MFGE8: variants seen among roughly 807,000 people sequenced by gnomAD.
MFGE8 encodes the protein lactadherin.
MFGE8 carries 34 observed loss-of-function variants against 42.6 expected under a neutral mutation model. The observed-to-expected ratio is 0.80, with a 90% CI of 0.61 to 1.06. The LOEUF (loss-of-function observed/expected upper bound fraction) is 1.06. Ranked by LOEUF, MFGE8 falls within the 50% of genes least tolerant of loss-of-function variation. The pLI, the probability that MFGE8 is intolerant of heterozygous loss-of-function variation, is 0.00. For missense variants in MFGE8, 510 were observed against 516.9 expected (o/e 0.99, Z 0.13); for synonymous variants, 230 against 214.8 (o/e 1.07, Z -0.62).
At chr15:88,901,758 T>A in intron 5 of MFGE8, 23 bp from the exon 6 acceptor site, 1 of 1,613,402 alleles carries the variant, frequency 6.2e-7, no homozygotes. Context: ...TGGGCTGTCA[T>A]CTGGATCTGG....
intron 1 of MFGE8, chr15:88,912,941 C>A: frequency 1.0e-6 from 1 of 985,404 alleles, no homozygotes. Flanking sequence ...TCATTTTTCA[C>A]CAGGGAAAAG....
At chr15:88,909,032 G>A (rs777312406) in intron 2 of MFGE8, among the ~76,000 whole-genome samples, 106 of 152,222 alleles carry the variant, frequency 7.0e-4, no homozygotes, top group East Asian at 2.1e-3. Context: ...AGGACCCCCC[G>A]CTCCACCCAT....
rs982208958 is a variant in MFGE8 at position 88,898,997 on chromosome 15, C to G, written c.*398G>C. On this transcript the variant is annotated 3_prime_UTR_variant, in exon 8 of 8. Coordinates refer to ENST00000268150, the MANE Select transcript of MFGE8 (RefSeq NM_005928.4). ...TTATCTCCAGCCTGGCGCTTCCGGG[C>G]CTTTCTTGAGGCCACCATGGGAATG... 3.5e-6 allele frequency: 1 copy of G among 288,976 alleles called. No individual in the cohort carries two copies. Among genetic ancestry groups the G allele is most frequent in the Non-Finnish European group, 6.8e-6 (1 of 148,118 alleles). 17.9% of individuals were successfully genotyped at this position (288,976 alleles called of 1,614,324 possible).
intron 3 of MFGE8, 67 bp downstream of exon 3, chr15:88,907,128 C>A: frequency 1.3e-6 from 2 of 1,551,796 alleles, no homozygotes; most frequent in Non-Finnish European, 1.7e-6. Context: ...GGGGTAACCC[C>A]CAAATGCAGA....
rs540402725 is a variant in MFGE8 at position 88,901,165 on chromosome 15, A to T, written c.870+386T>A. On this transcript the variant is annotated intron_variant, in intron 6 of 7. Transcript: ENST00000268150. ...CACACACATTCTCACACACACATTC[A>T]CACACATTCTCACACATTCACACAC... Among the ~76,000 whole-genome samples the T allele has an allele frequency of 3.5e-4, 45 of 128,004 alleles. 5 individuals are homozygous for T. Among genetic ancestry groups the T allele is most frequent in the African/African-American group, 1.1e-3 (39 of 34,960 alleles). The allele number at this position is 128,004 out of a possible 152,430, so 84.0% of individuals were successfully genotyped here. A position where few individuals can be genotyped will look rare whatever the true frequency, so the allele number is the denominator to read the frequency against.
chr15:88,901,467 C>T, intron 6 of MFGE8, 84 bp downstream of exon 6: 3 of 1,392,934 alleles, frequency 2.2e-6, no homozygotes, highest in East Asian at 2.3e-5. Flanking sequence ...GAAGAGAAGC[C>T]TGGGCTGGAG....
rs1021569215 is a variant in MFGE8, at chr15:88,901,628, A to T, written c.793T>A (p.Ser265Thr). The T allele has an allele frequency of 1.5e-5, 24 of 1,613,202 alleles. No homozygotes were observed. Among genetic ancestry groups the T allele is most frequent in the Non-Finnish European group, 1.9e-5 (23 of 1,179,742 alleles). Residue 265 changes from serine (S) to threonine (T), a missense_variant, in exon 6 of 8, where the codon TCC becomes ACC. Ser to Thr is a moderately conservative substitution (Grantham distance 58). Transcript: ENST00000268150. ...WGLHLFSWNP[S>T]YARLDKQGNF... is the part of the protein sequence containing the mutation. ...CCCTGCTTGTCCAGCCGTGCATAGG[A>T]GGGGTTCCAGCTGAAGAGATGCAAG...
chr15:88,907,701 T>A (rs1357335445), intron 2 of MFGE8, among the ~76,000 whole-genome samples: 1 of 97,068 alleles, frequency 1.0e-5, no homozygotes, highest in Admixed American at 1.1e-4. Context: ...TCATGGAAAG[T>A]AGAGTCCCCC....
Position 88,902,191 on chromosome 15 carries a change from C to T in MFGE8, c.686-456G>A, listed in dbSNP as rs138040801. ...GCACAGTCACTATCTACTTTAATAA[C>T]AACCACATTGTTTATTCAGTGCTTA... On this transcript the variant is annotated intron_variant, in intron 5 of 7. Transcript: ENST00000268150. This position sits in a 1 kb window ranked among gnomAD's most constrained non-coding sequence, Gnocchi z 4.3. 1.7e-4 allele frequency: 32 copies of T among 187,838 alleles called. No homozygotes were observed. The East Asian group carries it at 4.1e-3, about 24-fold the overall frequency. 11.6% of individuals were successfully genotyped at this position (187,838 alleles called of 1,614,324 possible). A position where few individuals can be genotyped will look rare whatever the true frequency, so the allele number is the denominator to read the frequency against.
chr15:88,906,152 G>T lies in MFGE8; in HGVS notation c.541-251C>A. The stretch of plus-strand genomic sequence containing the variant: ...GGCATAAACCCCTATAGCTGACACA[G>T]GGCCACCTGTAACCTACAGGGTACC... On this transcript the variant is annotated intron_variant, in intron 4 of 7. Transcript: ENST00000268150. The surrounding 1 kb of genome is among the most constrained non-coding windows in gnomAD (Gnocchi z 4.2). 1.8e-6 allele frequency: 1 copy of T among 567,498 alleles called. No homozygotes were observed. The highest frequency in any genetic ancestry group is 2.0e-5 in the South Asian group (1 of 49,902). 35.2% of individuals were successfully genotyped at this position (567,498 alleles called of 1,614,324 possible). A position where few individuals can be genotyped will look rare whatever the true frequency, so the allele number is the denominator to read the frequency against.
intron 1 of MFGE8, chr15:88,912,134 G>A: frequency 7.8e-7 from 1 of 1,289,830 alleles, no homozygotes; most frequent in Non-Finnish European, 1.0e-6. Context: ...CTGTGTGTAA[G>A]ATAGGTATGG....
At position 88,899,420 on chromosome 15, in the gene MFGE8, A is replaced by T. The variant is rs1224147150; in HGVS notation, c.1139T>A (p.Leu380Gln). ...LPVAWHNRIA[L>Q]RLELLGC The stretch of plus-strand genomic sequence containing the variant: ...CTAACAGCCCAGCAGCTCCAGGCGC[A>T]GGGCGATGCGGTTGTGCCAGGCTAC... The change falls in exon 8 of 8, where the codon CTG (leucine) becomes CAG (glutamine). Residue 380 changes from leucine (L) to glutamine (Q), a missense_variant. Transcript: ENST00000268150. The surrounding 1 kb of genome is among the most constrained non-coding windows in gnomAD (Gnocchi z 6.8). The T allele has an allele frequency of 6.2e-7, 1 of 1,614,084 alleles. No homozygotes were observed. The highest frequency in any genetic ancestry group is 1.3e-5 in the African/African-American group (1 of 74,954).
rs1180952711 is a variant in MFGE8, at chr15:88,899,090, G to T, written c.*305C>A. 6 of 474,398 alleles carry T rather than the reference G, an allele frequency of 1.3e-5. No homozygotes were observed. The highest frequency in any genetic ancestry group is 2.0e-5 in the African/African-American group (1 of 51,026). 29.4% of individuals were successfully genotyped at this position (474,398 alleles called of 1,614,324 possible). A position where few individuals can be genotyped will look rare whatever the true frequency, so the allele number is the denominator to read the frequency against. On this transcript the variant is annotated 3_prime_UTR_variant, in exon 8 of 8. Coordinates refer to ENST00000268150, the MANE Select transcript of MFGE8 (RefSeq NM_005928.4). The surrounding 1 kb of genome is among the most constrained non-coding windows in gnomAD (Gnocchi z 6.8). ...CCTGGGATCGGCGGTCCGGACAGGG[G>T]CAGGGAAACCACACGCCCTACTTTG...
intron 1 of MFGE8, 126 bp from the exon 2 acceptor site, chr15:88,910,049 C>T: frequency 8.3e-7 from 1 of 1,210,028 alleles, no homozygotes; most frequent in Non-Finnish European, 1.2e-6. Context: ...CTCTTCCTCT[C>T]CCTCTTCCCC....
chr15:88,912,667 G>T, intron 1 of MFGE8: 1 of 985,344 alleles, frequency 1.0e-6, no homozygotes, highest in Non-Finnish European at 1.2e-6. Context: ...TCAGCAGGCA[G>T]CCCTCTTCCA....
chr15:88,900,696 G>T, intron 6 of MFGE8: 1 of 985,264 alleles, frequency 1.0e-6, no homozygotes, highest in Non-Finnish European at 1.2e-6. Flanking sequence ...TCATCGTCCT[G>T]CCAGCTCTCG....
chr15:88,910,039 C>G, intron 1 of MFGE8, 116 bp from the exon 2 acceptor site: 1 of 1,313,956 alleles, frequency 7.6e-7, no homozygotes, highest in Non-Finnish European at 1.1e-6. Flanking sequence ...CGCCCATTAT[C>G]TCTTCCTCTC....
intron 5 of MFGE8, chr15:88,904,890 C>T (rs1370439552): frequency 6.5e-6 from 1 of 153,410 alleles, no homozygotes; most frequent in Admixed American, 6.5e-5. Flanking sequence ...CACTCTGCAG[C>T]TCTGCTTAGC....
rs776327845 is a variant in MFGE8, at chr15:88,901,674, G to T, written c.747C>A (p.Ser249=). 6.2e-6 allele frequency: 10 copies of T among 1,613,934 alleles called. No homozygotes were observed. In the Admixed American group the frequency reaches 1.7e-4, roughly 27 times the overall value. ...GCAAGCCCCAGGTCTTGTAGCTGCTGGAGGCCGTGATCTGCTTGTCAGGGA... is the reference window on the plus strand; with the variant it reads ...GCAAGCCCCAGGTCTTGTAGCTGCTTGAGGCCGTGATCTGCTTGTCAGGGA... The part of the protein sequence containing the change: ...NSIPDKQITA[S]SSYKTWGLHL... The change falls in exon 6 of 8, where the codon TCC becomes TCA. Residue 249 remains serine, a synonymous_variant. Coordinates refer to ENST00000268150, the MANE Select transcript of MFGE8 (RefSeq NM_005928.4).
Sources: gnomAD v4.1 joint callset for allele counts (sites outside exome capture counted in the v4.1 genomes callset) on GRCh38, gnomAD v4.1.1 for gene constraint, Gnocchi (gnomAD v3.1) non-coding constraint, MANE v1.5 for transcripts, NCBI Gene and HGNC (gene_info 2026-07-23, HGNC 2026-07-21) for gene names.